Variants in SLC24A4 observed in about 807,000 individuals in gnomAD.
SLC24A4 encodes the protein sodium/potassium/calcium exchanger 4.
A neutral mutation model predicts 79.0 loss-of-function variants in SLC24A4; 53 were observed. The observed-to-expected ratio is 0.67, with a 90% CI of 0.54 to 0.84. SLC24A4 has a LOEUF of 0.84. Among genes scored for constraint, SLC24A4 ranks in the 40% least tolerant of loss-of-function variants. The probability of loss-of-function intolerance (pLI) is 0.00; values close to 1 mark genes in which losing one functional copy is unlikely to be tolerated. For synonymous variants in SLC24A4, 323 were observed against 323.8 expected (o/e 1.00, Z 0.03); for missense variants, 731 against 822.0 (o/e 0.89, Z 1.35).
At chr14:92,478,653 G>GTTTTTT (rs1491062628) in intron 12 of SLC24A4, among the ~76,000 whole-genome samples, 4 of 148,118 alleles carry the variant, frequency 2.7e-5, no homozygotes, top group Non-Finnish European at 5.9e-5. Flanking sequence ...GCTTTGTTTT[G>GTTTTTT]TTTTTTTTTC....
Position 92,491,324 on chromosome 14 carries a change from T to C in SLC24A4, c.1538-341T>C, listed in dbSNP as rs573903592. On this transcript the variant is annotated intron_variant, in intron 14 of 16. Coordinates refer to ENST00000532405, the MANE Select transcript of SLC24A4 (RefSeq NM_153646.4). The stretch of plus-strand genomic sequence containing the variant: ...AACACTGGCATGAGTTTATTTTTAT[T>C]GTGAAGAAAAAATCCAGTCATATTG... Among the ~76,000 whole-genome samples the C allele has an allele frequency of 2.4e-4, 36 of 152,304 alleles. No individual in the cohort carries two copies. The South Asian group carries it at 4.8e-3, about 20-fold the overall frequency.
intron 2 of SLC24A4, among the ~76,000 whole-genome samples, chr14:92,392,576 T>C (rs971619489): frequency 1.3e-5 from 2 of 151,326 alleles, no homozygotes; most frequent in Admixed American, 1.3e-4. Context: ...TTGCTATGCA[T>C]GTTTATTTTA....
intron 7 of SLC24A4, among the ~76,000 whole-genome samples, chr14:92,444,711 C>T (rs1203046706): frequency 1.3e-5 from 2 of 151,980 alleles, no homozygotes; most frequent in African/African-American, 2.4e-5. Context: ...AAAAATTAGC[C>T]GGGTTTGGTG....
chr14:92,349,151 A>T (rs964340224), intron 2 of SLC24A4, among the ~76,000 whole-genome samples: 3 of 151,136 alleles, frequency 2.0e-5, no homozygotes, highest in Non-Finnish European at 4.4e-5. Flanking sequence ...TCAATAATAA[A>T]AGTGACTGGA....
At chr14:92,410,705 A>G (rs924319419) in intron 2 of SLC24A4, among the ~76,000 whole-genome samples, 9 of 152,196 alleles carry the variant, frequency 5.9e-5, no homozygotes, top group African/African-American at 2.2e-4. Context: ...ACAAAGAGAA[A>G]ACAGACATGG....
chr14:92,360,049 GC>G (rs1295003695), intron 2 of SLC24A4, among the ~76,000 whole-genome samples: 2 of 152,124 alleles, frequency 1.3e-5, no homozygotes, highest in African/African-American at 4.8e-5. Context: ...CTCCCAAGTA[GC>G]TAAGATTATA....
chr14:92,448,156 T>C (rs1892909077), intron 9 of SLC24A4, among the ~76,000 whole-genome samples: 1 of 152,120 alleles, frequency 6.6e-6, no homozygotes, highest in African/African-American at 2.4e-5. Context: ...TGCAGGCGGC[T>C]GGGGAGCAAA....
intron 2 of SLC24A4, among the ~76,000 whole-genome samples, chr14:92,382,475 A>G (rs1888909728): frequency 6.6e-6 from 1 of 152,196 alleles, no homozygotes; most frequent in South Asian, 2.1e-4. Context: ...ACAGTGCCTT[A>G]CACATAGTAA....
At chr14:92,409,976 G>A (rs1219865463) in intron 2 of SLC24A4, among the ~76,000 whole-genome samples, 1 of 152,178 alleles carries the variant, frequency 6.6e-6, no homozygotes, top group African/African-American at 2.4e-5. Flanking sequence ...TCACTTATAA[G>A]TGAGAGCTAA....
chr14:92,484,714 A>C (rs943667), intron 13 of SLC24A4: 6 of 985,304 alleles, frequency 6.1e-6, no homozygotes, highest in Non-Finnish European at 7.2e-6. Flanking sequence ...AGTCCCCCAG[A>C]ACCTCATTCA....
chr14:92,360,821 T>C (rs964591971), intron 2 of SLC24A4, among the ~76,000 whole-genome samples: 6 of 152,226 alleles, frequency 3.9e-5, no homozygotes, highest in African/African-American at 1.4e-4. Flanking sequence ...TCTCCCTTTC[T>C]ACCCACCACA....
At chr14:92,384,491 G>A (rs536888312) in intron 2 of SLC24A4, among the ~76,000 whole-genome samples, 2 of 151,670 alleles carry the variant, frequency 1.3e-5, no homozygotes, top group East Asian at 1.9e-4. Flanking sequence ...GAGATGGGGG[G>A]TGGGGTGGGG....
At chr14:92,489,615 G>A (rs996792744) in intron 14 of SLC24A4, among the ~76,000 whole-genome samples, 3 of 152,046 alleles carry the variant, frequency 2.0e-5, no homozygotes, top group Non-Finnish European at 4.4e-5. Context: ...GGGAGCTGAT[G>A]AGAAATGCAG....
chr14:92,493,252 T>G (rs1895797230), intron 16 of SLC24A4, among the ~76,000 whole-genome samples: 1 of 152,108 alleles, frequency 6.6e-6, no homozygotes, highest in Non-Finnish European at 1.5e-5. Context: ...TGTGTATCCC[T>G]GAGTCAATGC....
At chr14:92,422,933 T>A (rs1335130302) in intron 2 of SLC24A4, among the ~76,000 whole-genome samples, 1 of 151,908 alleles carries the variant, frequency 6.6e-6, no homozygotes, top group African/African-American at 2.4e-5. Flanking sequence ...CCCACCTCAG[T>A]GTCCTGAGTT....
In SLC24A4 at chr14:92,323,781, C is replaced by A; in HGVS notation, c.-50C>A. ...CGCTCGGCCACTGATTGCACTCTGG[C>A]CGCTGAAGCTCCCCATCCTCTCCCA... is the stretch of plus-strand genomic sequence containing the variant. On this transcript the variant is annotated 5_prime_UTR_variant, in exon 1 of 17. Transcript: ENST00000532405. This position sits in a 1 kb window ranked among gnomAD's most constrained non-coding sequence, Gnocchi z 4.9. The A allele has an allele frequency of 6.6e-7, 1 of 1,523,682 alleles. No individual in the cohort carries two copies. The allele number at this position is 1,523,682 out of a possible 1,614,324, so 94.4% of individuals were successfully genotyped here.
chr14:92,379,751 T>G (rs1448655654), intron 2 of SLC24A4, among the ~76,000 whole-genome samples: 1 of 151,956 alleles, frequency 6.6e-6, no homozygotes, highest in Non-Finnish European at 1.5e-5. Context: ...GGGCCAACAG[T>G]CATGCTTGAA....
chr14:92,327,848 G>A (rs1226944202), intron 2 of SLC24A4, among the ~76,000 whole-genome samples: 1 of 152,178 alleles, frequency 6.6e-6, no homozygotes, highest in Non-Finnish European at 1.5e-5. Context: ...GGAAGTGGAG[G>A]GAACTTGATA....
At chr14:92,371,434 C>T (rs376075324) in intron 2 of SLC24A4, among the ~76,000 whole-genome samples, 14 of 152,200 alleles carry the variant, frequency 9.2e-5, no homozygotes, top group East Asian at 7.7e-4. Context: ...GAGAGATAAA[C>T]AACATAAAAT....
Sources: gnomAD v4.1 joint callset for allele counts (sites outside exome capture counted in the v4.1 genomes callset) on GRCh38, gnomAD v4.1.1 for gene constraint, Gnocchi (gnomAD v3.1) non-coding constraint, MANE v1.5 for transcripts, NCBI Gene and HGNC (gene_info 2026-07-23, HGNC 2026-07-21) for gene names.